The following NLRP3 variants were observed in gnomAD, a reference collection of about 807,000 sequenced individuals.
NLRP3 encodes the protein NACHT, LRR and PYD domains-containing protein 3.
A neutral mutation model predicts 91.3 loss-of-function variants in NLRP3; 48 were observed. The observed-to-expected ratio is 0.53, with a 90% CI of 0.42 to 0.67. NLRP3 has a LOEUF of 0.67. NLRP3 is among the 30% of genes least tolerant of loss of function. The pLI is 0.00. For synonymous variants in NLRP3, 561 were observed against 507.9 expected, an observed-to-expected ratio of 1.10 and a Z score of -1.41; for missense variants, 982 against 1,276.9, an observed-to-expected ratio of 0.77 and a Z score of 3.52.
chr1:247,443,430 G>A (rs1198960590), intron 7 of NLRP3, among the ~76,000 whole-genome samples: 1 of 152,068 alleles, frequency 6.6e-6, no homozygotes, highest in Non-Finnish European at 1.5e-5. Flanking sequence ...CAATTGCTAA[G>A]GGCCCCGCCG....
rs200270456 is a variant in NLRP3, at chr1:247,418,474, G to A, written c.-327G>A. The A allele has an allele frequency of 4.5e-5, 16 of 352,926 alleles. No individual in the cohort carries two copies. The highest frequency in any genetic ancestry group is 9.3e-5 in the South Asian group (4 of 43,230). The allele number at this position is 352,926 out of a possible 1,614,324, so 21.9% of individuals were successfully genotyped here. On this transcript the variant is annotated 5_prime_UTR_variant, in exon 2 of 10. Transcript: ENST00000336119. Reference sequence around the variant, plus strand: ...CCGCCACCACACCCGGCTCATTTTTGTACTTTTAGTAGAGACACAGTTTTG... The same window carrying A: ...CCGCCACCACACCCGGCTCATTTTTATACTTTTAGTAGAGACACAGTTTTG...
intron 9 of NLRP3, among the ~76,000 whole-genome samples, chr1:247,445,650 G>A (rs780292636): frequency 1.3e-5 from 2 of 152,158 alleles, no homozygotes; most frequent in African/African-American, 2.4e-5. Context: ...GCTTCCTGGC[G>A]AGTCCCACGG....
chr1:247,418,999 G>T lies in NLRP3; in HGVS notation c.199G>T (p.Ala67Ser). ...CTTCAATGGGGAGGAGAAGGCGTGG[G>T]CCATGGCCGTGTGGATCTTCGCTGC... ...IDFNGEEKAWAMAVWIFAAIN... is the reference protein window; with the variant it reads ...IDFNGEEKAWSMAVWIFAAIN... The change falls in exon 2 of 10, where the codon GCC becomes TCC. Residue 67 changes from alanine (A) to serine (S), a missense_variant. Around this residue, in one of 5 missense-constraint regions of NLRP3, gnomAD observed 548 missense variants for 713.7 expected, o/e 0.77. Coordinates refer to ENST00000336119, the MANE Select transcript of NLRP3 (RefSeq NM_001243133.2). 1 of 1,614,050 alleles carries T rather than the reference G, an allele frequency of 6.2e-7. No individual in the cohort carries two copies. The highest frequency in any genetic ancestry group is 8.5e-7 in the Non-Finnish European group (1 of 1,180,038).
chr1:247,444,185 C>A (rs773855573), intron 8 of NLRP3, 43 bp downstream of exon 8: 4 of 1,604,730 alleles, frequency 2.5e-6, no homozygotes, highest in Non-Finnish European at 3.4e-6. Context: ...CACATGGTGG[C>A]CAAGGGTGGA....
Position 247,436,059 on chromosome 1 carries a change from G to A in NLRP3, c.2582G>A (p.Gly861Glu). Residue 861 changes from glycine (G) to glutamate (E), a missense_variant, in exon 7 of 10, where the codon GGG becomes GAG. By Grantham distance (98) the Gly-to-Glu change is moderately conservative. Around this residue, in one of 5 missense-constraint regions of NLRP3, gnomAD observed 373 missense variants for 431.5 expected, o/e 0.86. Transcript: ENST00000336119. ...TSHSLTRLYV[G>E]ENALGDSGVA... ...CATTCCCTGACCAGACTCTATGTGG[G>A]GGAGAATGCCTTGGGAGACTCAGGA... 1.2e-6 allele frequency: 2 copies of A among 1,614,154 alleles called. No homozygotes were observed. Among genetic ancestry groups the A allele is most frequent in the East Asian group, 2.2e-5 (1 of 44,878 alleles).
At position 247,425,388 on chromosome 1, in the gene NLRP3, T is replaced by C; in HGVS notation, c.1939T>C (p.Tyr647His). Residue 647 changes from tyrosine (Y) to histidine (H), a missense_variant, in exon 4 of 10, where the codon TAT becomes CAT. By Grantham distance (83) the Tyr-to-His change is moderately conservative (BLOSUM62 2). This residue lies in a region of NLRP3 where 373 missense variants were observed against 431.5 expected (regional missense o/e 0.86). Coordinates refer to ENST00000336119, the MANE Select transcript of NLRP3 (RefSeq NM_001243133.2). The surrounding 1 kb of genome is among the most constrained non-coding windows in gnomAD (Gnocchi z 4.1). ...GGACTTCGTGCAAAGGGCCATGGAC[T>C]ATTTCCCCAAGATTGAGATCAATCT... ...EEDFVQRAMDYFPKIEINLST... is the reference protein window; with the variant it reads ...EEDFVQRAMDHFPKIEINLST... 4 of 1,614,254 alleles carry C rather than the reference T, an allele frequency of 2.5e-6. No individual in the cohort carries two copies. Among genetic ancestry groups the C allele is most frequent in the Non-Finnish European group, 3.4e-6 (4 of 1,180,050 alleles).
chr1:247,425,110 G>A lies in NLRP3; in HGVS notation c.1661G>A (p.Arg554Gln), dbSNP rs1558192523. Residue 554 changes from arginine (R) to glutamine (Q), a missense_variant, in exon 4 of 10, where the codon CGA becomes CAA. By Grantham distance (43) the Arg-to-Gln change is conservative (BLOSUM62 1). This residue lies in a region of NLRP3 where 548 missense variants were observed against 713.7 expected (regional missense o/e 0.77). Transcript: ENST00000336119. The surrounding 1 kb of genome is among the most constrained non-coding windows in gnomAD (Gnocchi z 4.1). ...GGGAGTCGTTTGAAGCTTCCCAGCC[G>A]AGACGTGACAGTCCTTCTGGAAAAC... ...VPGSRLKLPS[R>Q]DVTVLLENYG... 3.7e-6 allele frequency: 6 copies of A among 1,612,944 alleles called. No individual in the cohort carries two copies. Among genetic ancestry groups the A allele is most frequent in the African/African-American group, 1.3e-5 (1 of 74,848 alleles).
At chr1:247,423,474 T>C in intron 3 of NLRP3, 125 bp downstream of exon 3, 1 of 1,132,256 alleles carries the variant, frequency 8.8e-7, no homozygotes. Flanking sequence ...CAAAGGCCTG[T>C]CTCAGGAAAT....
intron 7 of NLRP3, among the ~76,000 whole-genome samples, chr1:247,443,046 C>T (rs974769794): frequency 1.3e-5 from 2 of 152,154 alleles, no homozygotes; most frequent in African/African-American, 4.8e-5. Flanking sequence ...CTGCCTCAGC[C>T]TCCCAAGTAG....
intron 5 of NLRP3, among the ~76,000 whole-genome samples, chr1:247,432,594 C>T (rs553377007): frequency 6.6e-6 from 1 of 152,250 alleles, no homozygotes; most frequent in Non-Finnish European, 1.5e-5. Context: ...ACTGCCATTG[C>T]CCCTGTATGA....
chr1:247,433,246 T>C (rs1558199670), intron 5 of NLRP3, among the ~76,000 whole-genome samples: 1 of 151,962 alleles, frequency 6.6e-6, no homozygotes, highest in Non-Finnish European at 1.5e-5. Flanking sequence ...GAATCAGAGC[T>C]GCTTTTCCTT....
At chr1:247,444,328 T>G (rs1204267097) in intron 8 of NLRP3, among the ~76,000 whole-genome samples, 186 bp downstream of exon 8, 2 of 152,100 alleles carry the variant, frequency 1.3e-5, no homozygotes, top group African/African-American at 4.8e-5. Flanking sequence ...GGAACTTGAG[T>G]CCTTACCATC....
At chr1:247,428,742 C>A (rs759109047) in intron 4 of NLRP3, among the ~76,000 whole-genome samples, 1 of 152,090 alleles carries the variant, frequency 6.6e-6, no homozygotes, top group Non-Finnish European at 1.5e-5. Flanking sequence ...ATTGCTTGAG[C>A]CCAGGAGTTT....
rs557820780 is a variant in NLRP3 at position 247,428,245 on chromosome 1, G to T, written c.2151-1340G>T. Among the ~76,000 whole-genome samples, 39 of 143,636 alleles carry T rather than the reference G, an allele frequency of 2.7e-4. No homozygotes were observed. In the Middle Eastern group the frequency reaches 0.021, roughly 79 times the overall value. 94.2% of individuals were successfully genotyped at this position (143,636 alleles called of 152,430 possible). A position where few individuals can be genotyped will look rare whatever the true frequency, so the allele number is the denominator to read the frequency against. ...GCACCCATCCCTCTAGATGGCACCTGCCTTACTCTGAGGACAGACTCTGAC... is the reference window on the plus strand; with the variant it reads ...GCACCCATCCCTCTAGATGGCACCTTCCTTACTCTGAGGACAGACTCTGAC... On this transcript the variant is annotated intron_variant, in intron 4 of 9. Coordinates refer to ENST00000336119, the MANE Select transcript of NLRP3 (RefSeq NM_001243133.2).
chr1:247,438,378 G>GTTT lies in NLRP3; in HGVS notation c.2663+2259_2663+2261dup, dbSNP rs74163772. ...GGGATTTCACGACTGGTTTAGTTGT[G>GTTT]TTTTTTTTTTTTTTTTTTTTTTTGA... On this transcript the variant is annotated intron_variant, in intron 7 of 9. Transcript: ENST00000336119. Among the ~76,000 whole-genome samples the GTTT allele has an allele frequency of 7.4e-3, 534 of 71,946 alleles. 4 individuals are homozygous for GTTT. Among genetic ancestry groups the GTTT allele is most frequent in the Middle Eastern group, 0.011 (1 of 88 alleles). The allele number at this position is 71,946 out of a possible 152,430, so 47.2% of individuals were successfully genotyped here. A position where few individuals can be genotyped will look rare whatever the true frequency, so the allele number is the denominator to read the frequency against.
At chr1:247,428,080 C>A (rs1184339135) in intron 4 of NLRP3, among the ~76,000 whole-genome samples, 1 of 149,868 alleles carries the variant, frequency 6.7e-6, no homozygotes, top group African/African-American at 2.5e-5. Context: ...GGCTCAGCAC[C>A]CATTTCTCTA....
At chr1:247,435,460 C>T (rs749395559) in intron 6 of NLRP3, among the ~76,000 whole-genome samples, 3 of 152,168 alleles carry the variant, frequency 2.0e-5, no homozygotes, top group Non-Finnish European at 4.4e-5. Flanking sequence ...GTAAGATAAG[C>T]TAGACTCGAA....
Position 247,444,011 on chromosome 1 carries a change from T to G in NLRP3, c.2703T>G (p.Ala901=), listed in dbSNP as rs138089800. 45 of 1,614,164 alleles carry G rather than the reference T, an allele frequency of 2.8e-5. No homozygotes were observed. The African/African-American group carries it at 3.9e-4, about 14-fold the overall frequency. Residue 901 remains alanine, a synonymous_variant, in exon 8 of 10, where the codon GCT becomes GCG. Coordinates refer to ENST00000336119, the MANE Select transcript of NLRP3 (RefSeq NM_001243133.2). ...NSGLTSVCCS[A]LSSVLSTNQN... is the part of the protein sequence containing the mutation. ...GCCTTACGTCAGTCTGTTGTTCAGC[T>G]TTGTCCTCGGTACTCAGCACTAATC...
At chr1:247,444,878 G>T in intron 9 of NLRP3, 57 bp downstream of exon 9, 1 of 1,575,134 alleles carries the variant, frequency 6.3e-7, no homozygotes, top group South Asian at 1.1e-5. Flanking sequence ...AGGAAACGTT[G>T]ACTGTTATCA....
Sources: allele counts gnomAD v4.1 joint callset (sites outside exome capture counted in the v4.1 genomes callset), GRCh38; gene constraint gnomAD v4.1.1; regional missense constraint gnomAD v4.1.1; non-coding constraint Gnocchi (gnomAD v3.1); transcripts MANE v1.5; gene names NCBI Gene and HGNC (gene_info 2026-07-23, HGNC 2026-07-21).